MARCHF11: variants seen among roughly 807,000 people sequenced by gnomAD.
MARCHF11 encodes the protein E3 ubiquitin-protein ligase MARCHF11.
In MARCHF11, 29 loss-of-function variants were observed where a neutral mutation model predicts 37.3. The ratio of observed to expected loss-of-function variants is 0.78; its 90% confidence interval spans 0.58 to 1.06. The LOEUF (loss-of-function observed/expected upper bound fraction) is 1.06, where lower values mean the gene tolerates loss of function less well. Ranked by LOEUF, MARCHF11 falls within the 50% of genes least tolerant of loss-of-function variation. The probability of loss-of-function intolerance (pLI) is 0.00; values close to 1 mark genes in which losing one functional copy is unlikely to be tolerated. For synonymous variants in MARCHF11, 233 were observed against 228.0 expected (o/e 1.02, Z -0.20); for missense variants, 482 against 533.4 (o/e 0.90, Z 0.95).
chr5:16,157,201 A>T (rs1737991513), intron 2 of MARCHF11, among the ~76,000 whole-genome samples: 1 of 48,374 alleles, frequency 2.1e-5, no homozygotes, highest in African/African-American at 9.1e-5. Flanking sequence ...ATTGAAGAAG[A>T]CATGAGTAAA....
chr5:16,138,988 G>A (rs1388811182), intron 2 of MARCHF11, among the ~76,000 whole-genome samples: 1 of 152,202 alleles, frequency 6.6e-6, no homozygotes, highest in Non-Finnish European at 1.5e-5. Flanking sequence ...CCTTGTCATG[G>A]ATGAGACTTC....
At chr5:16,153,373 A>G (rs1249446929) in intron 2 of MARCHF11, among the ~76,000 whole-genome samples, 4 of 151,904 alleles carry the variant, frequency 2.6e-5, no homozygotes, top group African/African-American at 9.7e-5. Flanking sequence ...GAAGCACAGG[A>G]AGTGGGCTTA....
intron 2 of MARCHF11, among the ~76,000 whole-genome samples, chr5:16,111,225 C>G (rs2084137): frequency 0.49 from 74,359 of 151,956 alleles, 18,565 homozygotes; most frequent in East Asian, 0.6. Flanking sequence ...AACTGGGTAA[C>G]AGGCAGAGGT....
chr5:16,067,379 T>C lies in MARCHF11; in HGVS notation c.*92A>G. ...GCATAAATTTTAAAAAGTTCATAGA[T>C]GTGTTTTTAGAAGTGCTATGGTTTT... On this transcript the variant is annotated 3_prime_UTR_variant, in exon 4 of 4. Transcript: ENST00000332432. 1 of 1,154,810 alleles carries C rather than the reference T, an allele frequency of 8.7e-7. No individual in the cohort carries two copies. The highest frequency in any genetic ancestry group is 1.2e-6 in the Non-Finnish European group (1 of 809,888). The allele number at this position is 1,154,810 out of a possible 1,614,324, so 71.5% of individuals were successfully genotyped here.
At chr5:16,101,186 T>G (rs1337187638) in intron 2 of MARCHF11, among the ~76,000 whole-genome samples, 1 of 152,214 alleles carries the variant, frequency 6.6e-6, no homozygotes, top group Non-Finnish European at 1.5e-5. Context: ...TTTTCATATT[T>G]GTCAGCAGCT....
At chr5:16,129,204 T>C (rs1737472261) in intron 2 of MARCHF11, 1 of 152,206 alleles carries the variant, frequency 6.6e-6, no homozygotes, top group African/African-American at 2.4e-5. Context: ...CACTCTGCTG[T>C]ATATCTTGGC....
chr5:16,130,251 T>TACACACACAC (rs56978661), intron 2 of MARCHF11, among the ~76,000 whole-genome samples: 9 of 144,368 alleles, frequency 6.2e-5, no homozygotes, highest in Admixed American at 1.4e-4. Flanking sequence ...TCCAGGTACA[T>TACACACACAC]ACACACACAC....
chr5:16,113,977 C>T (rs111671450), intron 2 of MARCHF11, among the ~76,000 whole-genome samples: 12 of 151,498 alleles, frequency 7.9e-5, no homozygotes, highest in Non-Finnish European at 1.3e-4. Flanking sequence ...TGGTATCTAC[C>T]ATTCCACTCT....
chr5:16,101,700 T>C (rs1736961253), intron 2 of MARCHF11, among the ~76,000 whole-genome samples: 1 of 152,242 alleles, frequency 6.6e-6, no homozygotes, highest in South Asian at 2.1e-4. Flanking sequence ...ACTTGTTCTC[T>C]CCACCAGGAG....
chr5:16,161,335 T>C (rs1738073193), intron 2 of MARCHF11, among the ~76,000 whole-genome samples: 2 of 151,834 alleles, frequency 1.3e-5, no homozygotes, highest in Admixed American at 1.3e-4. Flanking sequence ...CTGCATGTGT[T>C]CATAAACAGC....
intron 2 of MARCHF11, among the ~76,000 whole-genome samples, chr5:16,091,891 T>C (rs1223029804): frequency 2.0e-5 from 3 of 152,340 alleles, no homozygotes; most frequent in East Asian, 3.9e-4. Flanking sequence ...ATTCTCACTT[T>C]TGCATAATTG....
At chr5:16,131,407 A>C (rs1737512215) in intron 2 of MARCHF11, among the ~76,000 whole-genome samples, 1 of 152,256 alleles carries the variant, frequency 6.6e-6, no homozygotes, top group Admixed American at 6.5e-5. Context: ...TCCATTTTGA[A>C]CTAGAATAAA....
At chr5:16,160,106 T>C (rs946833582) in intron 2 of MARCHF11, among the ~76,000 whole-genome samples, 1 of 151,496 alleles carries the variant, frequency 6.6e-6, no homozygotes, top group African/African-American at 2.4e-5. Context: ...GTGGCTGCTT[T>C]CAGATACATT....
At chr5:16,131,792 A>G (rs951449487) in intron 2 of MARCHF11, among the ~76,000 whole-genome samples, 1 of 152,200 alleles carries the variant, frequency 6.6e-6, no homozygotes, top group African/African-American at 2.4e-5. Flanking sequence ...GTGCTTAAGA[A>G]CTGGACCATA....
intron 2 of MARCHF11, among the ~76,000 whole-genome samples, chr5:16,121,445 G>T (rs1038822290): frequency 6.6e-6 from 1 of 152,062 alleles, no homozygotes; most frequent in Non-Finnish European, 1.5e-5. Flanking sequence ...GTATATACTC[G>T]TTACGTAAAC....
At chr5:16,103,754 TG>T (rs766906052) in intron 2 of MARCHF11, among the ~76,000 whole-genome samples, 7 of 152,178 alleles carry the variant, frequency 4.6e-5, no homozygotes, top group Non-Finnish European at 8.8e-5. Flanking sequence ...TGGCAGTTTC[TG>T]TTTCCCCTCT....
intron 2 of MARCHF11, among the ~76,000 whole-genome samples, chr5:16,109,189 G>A (rs1317468531): frequency 6.6e-6 from 1 of 151,724 alleles, no homozygotes; most frequent in South Asian, 2.1e-4. Flanking sequence ...AGAACCCTTG[G>A]AATCTTCAAA....
intron 2 of MARCHF11, among the ~76,000 whole-genome samples, chr5:16,147,736 T>A (rs1579411911): frequency 6.6e-6 from 1 of 152,206 alleles, no homozygotes; most frequent in East Asian, 1.9e-4. Flanking sequence ...CGGACCTGTT[T>A]ATGCAACCAA....
chr5:16,096,869 A>G (rs141159202), intron 2 of MARCHF11, among the ~76,000 whole-genome samples: 1 of 152,290 alleles, frequency 6.6e-6, no homozygotes, highest in African/African-American at 2.4e-5. Flanking sequence ...CAATTTAGGA[A>G]CCAATTTCCT....
Sources: allele counts gnomAD v4.1 joint callset (sites outside exome capture counted in the v4.1 genomes callset), GRCh38; gene constraint gnomAD v4.1.1; transcripts MANE v1.5; gene names NCBI Gene and HGNC (gene_info 2026-07-23, HGNC 2026-07-21).